KCNMA1: variants seen among roughly 807,000 people sequenced by gnomAD.
KCNMA1 encodes Calcium-activated potassium channel subunit alpha-1.
Under a neutral mutation model 140.0 loss-of-function variants are expected in KCNMA1, and 29 were observed. That is an observed-to-expected ratio of 0.21 (90% CI 0.15 to 0.28). KCNMA1 has a LOEUF of 0.28. Among genes scored for constraint, KCNMA1 ranks in the 10% least tolerant of loss-of-function variants. KCNMA1 has a pLI of 1.00. For missense variants in KCNMA1, 880 were observed against 1,602.2 expected (o/e 0.55, Z 7.70); for synonymous variants, 612 against 611.9 (o/e 1.00, Z 0.00).
chr10:77,478,129 G>A (rs1278169285), intron 1 of KCNMA1, among the ~76,000 whole-genome samples: 2 of 152,146 alleles, frequency 1.3e-5, no homozygotes, highest in Non-Finnish European at 2.9e-5. Flanking sequence ...TATGCTCTAT[G>A]AATTCTTGCC....
chr10:77,401,153 A>AT (rs34524709), intron 2 of KCNMA1, among the ~76,000 whole-genome samples: 13,564 of 143,994 alleles, frequency 0.094, 727 homozygotes, highest in East Asian at 0.18. Flanking sequence ...TCAAAAATTC[A>AT]TTTTTTTTTT....
At chr10:76,971,276 G>A (rs1266263932) in intron 19 of KCNMA1, among the ~76,000 whole-genome samples, 1 of 152,148 alleles carries the variant, frequency 6.6e-6, no homozygotes. Context: ...AAAGAGACTT[G>A]ATATATGTTA....
At chr10:77,474,017 A>G (rs781777505) in intron 1 of KCNMA1, among the ~76,000 whole-genome samples, 1 of 152,144 alleles carries the variant, frequency 6.6e-6, no homozygotes, top group Non-Finnish European at 1.5e-5. Context: ...CACAATGATG[A>G]AGGGTGGGTG....
chr10:77,009,710 C>T (rs1335689374), intron 18 of KCNMA1, among the ~76,000 whole-genome samples: 3 of 152,276 alleles, frequency 2.0e-5, no homozygotes, highest in Middle Eastern at 3.4e-3. Context: ...TTTCTTCCAT[C>T]CTTCAAACAC....
At position 77,309,894 on chromosome 10, in the gene KCNMA1, G is replaced by A. The variant is rs1056887370; in HGVS notation, c.541-58638C>T. Reference sequence around the variant, plus strand: ...ATTTGCAGGTTGAATGATACCTGAGGCTCTGTGATTGCTTGAGTCAGCCAA... The same window carrying A: ...ATTTGCAGGTTGAATGATACCTGAGACTCTGTGATTGCTTGAGTCAGCCAA... On this transcript the variant is annotated intron_variant, in intron 2 of 27. Transcript: ENST00000286628. Among the ~76,000 whole-genome samples the A allele has an allele frequency of 3.3e-5, 5 of 152,310 alleles. No homozygotes were observed. The South Asian group carries it at 1.0e-3, about 32-fold the overall frequency.
At chr10:76,894,458 CAAG>C (rs775669015) in intron 25 of KCNMA1, among the ~76,000 whole-genome samples, 11 of 152,008 alleles carry the variant, frequency 7.2e-5, no homozygotes, top group Non-Finnish European at 1.2e-4. Context: ...GCATAAACTA[CAAG>C]AAGAACAGAT....
intron 1 of KCNMA1, among the ~76,000 whole-genome samples, chr10:77,414,972 T>C (rs2096708088): frequency 6.6e-6 from 1 of 152,206 alleles, no homozygotes; most frequent in South Asian, 2.1e-4. Context: ...GGAATCTCCA[T>C]ATAAAATTCT....
chr10:77,572,603 T>TATATATATATATATGTATATATATAA (rs1491270036), intron 1 of KCNMA1, among the ~76,000 whole-genome samples: 1 of 98,662 alleles, frequency 1.0e-5, no homozygotes, highest in Non-Finnish European at 2.1e-5. Context: ...TATATATATA[T>TATATATATATATATGTATATATATAA]AAATTAGCTG....
Position 77,592,299 on chromosome 10 carries a change from A to G in KCNMA1, c.378+44966T>C, listed in dbSNP as rs545270496. On this transcript the variant is annotated intron_variant, in intron 1 of 27. Transcript: ENST00000286628. ...AAGGAAAGACGAGTCACAAAAGCAC[A>G]CTAAGGAGACATGGTGGGTACATGC... Among the ~76,000 whole-genome samples, 10 of 152,346 alleles carry G rather than the reference A, an allele frequency of 6.6e-5. No homozygotes were observed. The South Asian group carries it at 2.1e-3, about 32-fold the overall frequency.
At chr10:77,423,323 C>T (rs2096907866) in intron 1 of KCNMA1, among the ~76,000 whole-genome samples, 1 of 152,152 alleles carries the variant, frequency 6.6e-6, no homozygotes, top group Admixed American at 6.5e-5. Context: ...TTCTCAGTGA[C>T]AAAGAAATGG....
chr10:77,366,023 T>C (rs2154405705), intron 2 of KCNMA1, among the ~76,000 whole-genome samples: 1 of 152,334 alleles, frequency 6.6e-6, no homozygotes, highest in Non-Finnish European at 1.5e-5. Flanking sequence ...TGCAGTGAGG[T>C]GAATAATTCA....
At chr10:77,263,756 G>A (rs970651081) in intron 2 of KCNMA1, among the ~76,000 whole-genome samples, 1 of 152,076 alleles carries the variant, frequency 6.6e-6, no homozygotes, top group Non-Finnish European at 1.5e-5. Context: ...GGCTGTGCAG[G>A]TGCATGCTCA....
chr10:77,362,352 C>CA (rs1271763727), intron 2 of KCNMA1, among the ~76,000 whole-genome samples: 2 of 81,086 alleles, frequency 2.5e-5, no homozygotes, highest in Admixed American at 2.5e-4. Flanking sequence ...TATCCCCCCC[C>CA]ACCCCCCCCA....
intron 15 of KCNMA1, among the ~76,000 whole-genome samples, chr10:77,029,098 T>C (rs1204456080): frequency 6.6e-6 from 1 of 152,116 alleles, no homozygotes; most frequent in Non-Finnish European, 1.5e-5. Flanking sequence ...TATATAAAAA[T>C]ACATGAATAT....
At chr10:77,611,968 T>C (rs1047298127) in intron 1 of KCNMA1, among the ~76,000 whole-genome samples, 1 of 152,176 alleles carries the variant, frequency 6.6e-6, no homozygotes, top group Non-Finnish European at 1.5e-5. Flanking sequence ...AAAGTATATA[T>C]TTGACTAGTG....
At chr10:77,116,278 T>A (rs925985222) in intron 6 of KCNMA1, among the ~76,000 whole-genome samples, 7 of 152,180 alleles carry the variant, frequency 4.6e-5, no homozygotes, top group Non-Finnish European at 8.8e-5. Context: ...CAGTGAATCA[T>A]GATAGGTCAG....
intron 3 of KCNMA1, among the ~76,000 whole-genome samples, chr10:77,212,645 C>A (rs1206210165): frequency 6.6e-6 from 1 of 151,730 alleles, no homozygotes; most frequent in East Asian, 1.9e-4. Flanking sequence ...TTGTTATATT[C>A]TCTCTCTCTC....
intron 23 of KCNMA1, among the ~76,000 whole-genome samples, chr10:76,941,967 T>G (rs1258676976): frequency 1.3e-5 from 2 of 151,992 alleles, no homozygotes; most frequent in South Asian, 2.1e-4. Context: ...TTTATTTGTT[T>G]GTTGGTTTAT....
Position 76,886,562 on chromosome 10 carries a change from T to C in KCNMA1, c.*704A>G. The C allele has an allele frequency of 1.0e-6, 1 of 986,024 alleles. No individual in the cohort carries two copies. Among genetic ancestry groups the C allele is most frequent in the African/African-American group, 1.7e-5 (1 of 57,336 alleles). 61.1% of individuals were successfully genotyped at this position (986,024 alleles called of 1,614,324 possible). A position where few individuals can be genotyped will look rare whatever the true frequency, so the allele number is the denominator to read the frequency against. ...CATCCATGATTGGAATACTATTCTCTCCTCCATATTAAGGTGAGAAATGTT... is the reference window on the plus strand; with the variant it reads ...CATCCATGATTGGAATACTATTCTCCCCTCCATATTAAGGTGAGAAATGTT... On this transcript the variant is annotated 3_prime_UTR_variant, in exon 28 of 28. Transcript: ENST00000286628.
Sources: allele counts gnomAD v4.1 joint callset (sites outside exome capture counted in the v4.1 genomes callset), GRCh38; gene constraint gnomAD v4.1.1; transcripts MANE v1.5; gene names NCBI Gene and HGNC (gene_info 2026-07-23, HGNC 2026-07-21).